NYAP2: variants seen among roughly 807,000 people sequenced by gnomAD.
The protein encoded by NYAP2 is neuronal tyrosine-phosphorylated phosphoinositide-3-kinase adapter 2.
Under a neutral mutation model 50.4 loss-of-function variants are expected in NYAP2, and 23 were observed. The observed-to-expected ratio is 0.46, with a 90% CI of 0.33 to 0.65. The LOEUF is 0.65. Among genes scored for constraint, NYAP2 ranks in the 30% least tolerant of loss-of-function variants. The pLI, the probability that NYAP2 is intolerant of heterozygous loss-of-function variation, is 0.02. For synonymous variants in NYAP2, 394 were observed against 365.2 expected, an observed-to-expected ratio of 1.08 and a Z score of -0.90; for missense variants, 885 against 861.0, an observed-to-expected ratio of 1.03 and a Z score of -0.35.
At chr2:225,648,182 G>T (rs1311929245) in intron 6 of NYAP2, among the ~76,000 whole-genome samples, 1 of 152,046 alleles carries the variant, frequency 6.6e-6, no homozygotes, top group Admixed American at 6.5e-5. Flanking sequence ...TGTATTTTTA[G>T]TAGAGATAGG....
At chr2:225,665,635 C>A in the NYAP2 span, among the ~76,000 whole-genome samples, 3 of 150,012 alleles carry the variant, frequency 2.0e-5, no homozygotes, top group Non-Finnish European at 4.4e-5. Flanking sequence ...ATGGTGAAAC[C>A]CCGTCTCTAC....
At chr2:225,418,672 G>A (rs1485801395) in intron 3 of NYAP2, among the ~76,000 whole-genome samples, 1 of 152,088 alleles carries the variant, frequency 6.6e-6, no homozygotes, top group African/African-American at 2.4e-5. Flanking sequence ...TGTGTGTTAG[G>A]ATTTCAATGA....
intron 6 of NYAP2, among the ~76,000 whole-genome samples, chr2:225,641,833 G>T (rs922076067): frequency 6.6e-6 from 1 of 151,652 alleles, no homozygotes; most frequent in African/African-American, 2.4e-5. Context: ...AATAAAAAAA[G>T]AAAACTAGTC....
the NYAP2 span, chr2:225,698,158 G>A: frequency 6.6e-6 from 1 of 151,962 alleles, no homozygotes; most frequent in Admixed American, 6.6e-5. Flanking sequence ...TAGCCTGGGT[G>A]AGGGTGAGAC....
At chr2:225,547,527 T>A (rs913859445) in intron 4 of NYAP2, among the ~76,000 whole-genome samples, 6 of 152,240 alleles carry the variant, frequency 3.9e-5, no homozygotes, top group African/African-American at 1.4e-4. Context: ...TGGCTAGGGC[T>A]GGTCTAAATG....
intron 5 of NYAP2, among the ~76,000 whole-genome samples, chr2:225,621,505 G>C (rs191169645): frequency 7.8e-4 from 118 of 152,186 alleles, no homozygotes; most frequent in Admixed American, 5.2e-3. Flanking sequence ...TATTAAGTAG[G>C]TACAGACCTT....
At chr2:225,678,525 A>G in the NYAP2 span, among the ~76,000 whole-genome samples, 160 of 152,254 alleles carry the variant, frequency 1.1e-3, no homozygotes, top group African/African-American at 3.8e-3. Flanking sequence ...CAAAACTTAG[A>G]ACCAATTAAT....
the NYAP2 span, among the ~76,000 whole-genome samples, chr2:225,666,367 GTGACCA>G: frequency 6.6e-6 from 1 of 152,158 alleles, no homozygotes; most frequent in Non-Finnish European, 1.5e-5. Flanking sequence ...CCAAATATGA[GTGACCA>G]TGACCTGTGA....
upstream of NYAP2, among the ~76,000 whole-genome samples, chr2:225,398,286 T>C (rs552935061): frequency 7.2e-5 from 11 of 152,162 alleles, no homozygotes; most frequent in South Asian, 2.1e-3. Flanking sequence ...TGTTTACTTA[T>C]CTTGGTAGTA....
At chr2:225,405,962 A>G (rs1044701356) in intron 2 of NYAP2, among the ~76,000 whole-genome samples, 7 of 151,992 alleles carry the variant, frequency 4.6e-5, no homozygotes, top group Non-Finnish European at 7.4e-5. Flanking sequence ...TCAAGGGGTT[A>G]TATTATTATT....
chr2:225,489,645 A>T (rs1690369552), intron 3 of NYAP2, among the ~76,000 whole-genome samples: 1 of 152,160 alleles, frequency 6.6e-6, no homozygotes, highest in African/African-American at 2.4e-5. Flanking sequence ...ATTCTGAAAT[A>T]CCCAACTTTC....
chr2:225,472,955 C>G (rs1690036986), intron 3 of NYAP2, among the ~76,000 whole-genome samples: 1 of 152,176 alleles, frequency 6.6e-6, no homozygotes, highest in South Asian at 2.1e-4. Context: ...CTATCCTTCC[C>G]CACTCCGCTT....
In NYAP2 at chr2:225,512,298, T is replaced by C. The variant is rs143344573; in HGVS notation, c.222-1073T>C. 4.9e-3 allele frequency among the ~76,000 whole-genome samples: 749 copies of C among 152,360 alleles called. 7 individuals are homozygous for C. The highest frequency in any genetic ancestry group is 0.017 in the African/African-American group (696 of 41,586). ...ACTGAATATTTATGAAGTATTAGAA[T>C]CATCTCAGGATCAAACGATATTTAA... On this transcript the variant is annotated intron_variant, in intron 3 of 6. Transcript: ENST00000636099.
chr2:225,660,510 A>T, the NYAP2 span, among the ~76,000 whole-genome samples: 1 of 131,124 alleles, frequency 7.6e-6, no homozygotes, highest in Non-Finnish European at 1.6e-5. Context: ...TTAAATGCCT[A>T]TTTTTTTTAA....
intron 4 of NYAP2, among the ~76,000 whole-genome samples, chr2:225,555,253 T>C (rs1313026327): frequency 6.6e-6 from 1 of 152,200 alleles, no homozygotes. Flanking sequence ...AACAAGCGTT[T>C]TGTTTTTTAT....
chr2:225,675,866 G>A, the NYAP2 span, among the ~76,000 whole-genome samples: 2 of 152,056 alleles, frequency 1.3e-5, no homozygotes, highest in Admixed American at 6.6e-5. Flanking sequence ...AACTCATCAT[G>A]GTTTTGACTT....
At chr2:225,447,473 T>C (rs1008160322) in intron 3 of NYAP2, among the ~76,000 whole-genome samples, 4 of 152,134 alleles carry the variant, frequency 2.6e-5, no homozygotes, top group Admixed American at 2.6e-4. Context: ...AGTTCTACAT[T>C]AAGACAATAT....
chr2:225,495,131 T>C (rs1199685313), intron 3 of NYAP2, among the ~76,000 whole-genome samples: 2 of 152,224 alleles, frequency 1.3e-5, no homozygotes, highest in East Asian at 3.8e-4. Context: ...AAAATAGTCT[T>C]GTAAATGCTC....
the NYAP2 span, among the ~76,000 whole-genome samples, chr2:225,676,147 C>T: frequency 6.6e-6 from 1 of 152,170 alleles, no homozygotes; most frequent in Non-Finnish European, 1.5e-5. Context: ...TGCAGAAGCT[C>T]TTAGTTTAAC....
Sources: allele counts gnomAD v4.1 joint callset (sites outside exome capture counted in the v4.1 genomes callset), GRCh38; gene constraint gnomAD v4.1.1; transcripts MANE v1.5; gene names NCBI Gene and HGNC (gene_info 2026-07-23, HGNC 2026-07-21).